DDX1: variants seen among roughly 807,000 people sequenced by gnomAD.
DDX1 encodes DEAD-box helicase 1, also known as ATP-dependent RNA helicase DDX1.
Under a neutral mutation model 108.7 loss-of-function variants are expected in DDX1, and 28 were observed. The observed-to-expected ratio is 0.26, with a 90% CI of 0.19 to 0.35. The LOEUF (loss-of-function observed/expected upper bound fraction) is 0.35. DDX1 is among the 10% of genes least tolerant of loss of function. DDX1 has a pLI of 1.00. For missense variants in DDX1, 710 were observed against 884.5 expected (o/e 0.80, Z 2.50); for synonymous variants, 295 against 288.9 (o/e 1.02, Z -0.21).
chr2:15,606,539 T>G (rs1186103419), intron 12 of DDX1, among the ~76,000 whole-genome samples: 1 of 152,218 alleles, frequency 6.6e-6, no homozygotes, highest in East Asian at 1.9e-4. Flanking sequence ...GGGCACCACA[T>G]TAAGTGCTTT....
At chr2:15,603,076 T>C (rs561857896) in intron 7 of DDX1, 116 bp from the exon 8 acceptor site, 2 of 692,668 alleles carry the variant, frequency 2.9e-6, no homozygotes, top group Non-Finnish European at 4.9e-6. Context: ...CAAATATACC[T>C]ATAATTCTTC....
intron 14 of DDX1, among the ~76,000 whole-genome samples, chr2:15,616,062 TTG>T (rs58811920): frequency 0.02 from 2,961 of 148,848 alleles, 65 homozygotes; most frequent in African/African-American, 0.052. Flanking sequence ...CCGGCTAATT[TTG>T]TGTGTGTGTG....
At position 15,606,624 on chromosome 2, in the gene DDX1, C is replaced by A. The variant is rs75196416; in HGVS notation, c.817+360C>A. Among the ~76,000 whole-genome samples, 175 of 152,290 alleles carry A rather than the reference C, an allele frequency of 1.1e-3. 1 individual carries two copies. In the East Asian group the frequency reaches 0.029, roughly 25 times the overall value. On this transcript the variant is annotated intron_variant, in intron 12 of 25. Transcript: ENST00000233084. ...TTACAGACAACCTAACGAATAGGGA[C>A]TTTAAGTGATTTGCCCAAGGTCACA...
At chr2:15,594,464 T>C (rs1170796151) in intron 1 of DDX1, among the ~76,000 whole-genome samples, 1 of 152,184 alleles carries the variant, frequency 6.6e-6, no homozygotes, top group Non-Finnish European at 1.5e-5. Flanking sequence ...AAAACCCGGT[T>C]AGGAGCAACT....
intron 17 of DDX1, 100 bp downstream of exon 17, chr2:15,620,496 A>G: frequency 3.4e-6 from 3 of 890,816 alleles, no homozygotes; most frequent in Admixed American, 2.9e-5. Context: ...CAGTTATTGT[A>G]TCAAAGAAAA....
intron 16 of DDX1, among the ~76,000 whole-genome samples, chr2:15,619,894 G>A (rs1218413314): frequency 6.6e-6 from 1 of 152,166 alleles, no homozygotes; most frequent in Non-Finnish European, 1.5e-5. Flanking sequence ...AAGCATTTAA[G>A]AAGGACAAGC....
rs1383488028 is a variant in DDX1, at chr2:15,611,649, A to AC, written c.957-1569dup. 6.1e-5 allele frequency among the ~76,000 whole-genome samples: 3 copies of AC among 48,836 alleles called. 1 individual carries two copies. The highest frequency in any genetic ancestry group is 1.0e-4 in the Non-Finnish European group (3 of 29,494). 32.0% of individuals were successfully genotyped at this position (48,836 alleles called of 152,430 possible). On this transcript the variant is annotated intron_variant, in intron 13 of 25. Transcript: ENST00000233084. ...CCAGTAGGGGTGGCCGGGCAGAGGC[A>AC]CCCCCCACCTCCCGGACGGGGCGGC...
intron 1 of DDX1, among the ~76,000 whole-genome samples, chr2:15,594,090 GAAAAGAAAA>G (rs1025631000): frequency 6.6e-6 from 1 of 150,636 alleles, no homozygotes; most frequent in Non-Finnish European, 1.5e-5. Flanking sequence ...AAAAACAAAA[GAAAAGAAAA>G]AAAAGAAAAA....
rs1330617001 is a variant in DDX1 at position 15,623,425 on chromosome 2, T to C, written c.1448-11T>C. ...ATTCTGTTGGTTTTTGTTGTTGTTA[T>C]GATATTCAAGAGATGTGGTCTGAAG... is the stretch of plus-strand genomic sequence containing the variant. On this transcript the variant is annotated splice_polypyrimidine_tract_variant and intron_variant, in intron 18 of 25. Coordinates refer to ENST00000233084, the MANE Select transcript of DDX1 (RefSeq NM_004939.3). 8 of 1,612,642 alleles carry C rather than the reference T, an allele frequency of 5.0e-6. No individual in the cohort carries two copies. Among genetic ancestry groups the C allele is most frequent in the African/African-American group, 1.3e-5 (1 of 74,998 alleles).
In DDX1 at chr2:15,605,931, C is replaced by T. The variant is rs1486635795; in HGVS notation, c.626-19C>T. On this transcript the variant is annotated intron_variant, in intron 10 of 25. Coordinates refer to ENST00000233084, the MANE Select transcript of DDX1 (RefSeq NM_004939.3). The stretch of plus-strand genomic sequence containing the variant: ...CTTTTCTGATTGTTTTAATCTCTCT[C>T]TCTCTCTTGTTTTTTAAGGAAAAGA... 10 of 1,509,138 alleles carry T rather than the reference C, an allele frequency of 6.6e-6. No homozygotes were observed. The highest frequency in any genetic ancestry group is 8.9e-6 in the Non-Finnish European group (10 of 1,122,002). The allele number at this position is 1,509,138 out of a possible 1,614,324, so 93.5% of individuals were successfully genotyped here.
intron 13 of DDX1, among the ~76,000 whole-genome samples, chr2:15,612,870 GGTGGCGCGTGCCTGCAATCGC>G: frequency 6.6e-6 from 1 of 151,782 alleles, no homozygotes; most frequent in Non-Finnish European, 1.5e-5. Context: ...AGTCAGGCGT[GGTGGCGCGTGCCTGCAATCGC>G]AGGCACTCGG....
chr2:15,623,278 TCTTTA>T (rs1359277637), intron 18 of DDX1, among the ~76,000 whole-genome samples, 153 bp from the exon 19 acceptor site: 2 of 152,202 alleles, frequency 1.3e-5, no homozygotes, highest in African/African-American at 4.8e-5. Flanking sequence ...TTTTACTCTA[TCTTTA>T]CTTCTTGTCC....
chr2:15,603,045 C>T (rs992305131), intron 7 of DDX1, 147 bp from the exon 8 acceptor site: 103 of 609,766 alleles, frequency 1.7e-4, no homozygotes, highest in East Asian at 5.1e-4. Context: ...AGTCGAGGAT[C>T]TGGGAAGGTG....
At chr2:15,592,637 C>T (rs1256316977) in intron 1 of DDX1, among the ~76,000 whole-genome samples, 1 of 152,148 alleles carries the variant, frequency 6.6e-6, no homozygotes, top group African/African-American at 2.4e-5. Context: ...TCGAACCCTA[C>T]AGTTGATATT....
Position 15,595,083 on chromosome 2 carries a change from T to G in DDX1, c.17-62T>G. The G allele has an allele frequency of 6.9e-6, 9 of 1,298,862 alleles. No individual in the cohort carries two copies. The South Asian group carries it at 1.0e-4, about 15-fold the overall frequency. 80.5% of individuals were successfully genotyped at this position (1,298,862 alleles called of 1,614,324 possible). A position where few individuals can be genotyped will look rare whatever the true frequency, so the allele number is the denominator to read the frequency against. On this transcript the variant is annotated intron_variant, in intron 1 of 25. Transcript: ENST00000233084. ...TACCCTGTTTTATGAATAGTAATTT[T>G]GAGAGCAATGCAATTTATCATTTCA...
intron 15 of DDX1, 135 bp from the exon 16 acceptor site, chr2:15,618,046 T>C (rs1013583845): frequency 4.5e-6 from 2 of 443,916 alleles, no homozygotes; most frequent in South Asian, 7.3e-5. Context: ...TTTGAAAATA[T>C]AGGACTATGT....
At chr2:15,630,326 A>T (rs2161072) in intron 25 of DDX1, among the ~76,000 whole-genome samples, 2,130 of 152,168 alleles carry the variant, frequency 0.014, 50 homozygotes, top group African/African-American at 0.044. Flanking sequence ...ACTTCAGCTT[A>T]GCTCTTTCTC....
rs544351619 is a variant in DDX1, at chr2:15,626,461, A to G, written c.1595-593A>G. The stretch of plus-strand genomic sequence containing the variant: ...CATAATTGTTATTTTGTTACATCCC[A>G]GTGGTTACTCTTTTTGTTACTGTGT... On this transcript the variant is annotated intron_variant, in intron 19 of 25. Coordinates refer to ENST00000233084, the MANE Select transcript of DDX1 (RefSeq NM_004939.3). Among the ~76,000 whole-genome samples, 12 of 152,216 alleles carry G rather than the reference A, an allele frequency of 7.9e-5. 1 individual carries two copies. In the South Asian group the frequency reaches 2.1e-3, roughly 26 times the overall value.
intron 4 of DDX1, among the ~76,000 whole-genome samples, chr2:15,597,024 A>G (rs1665511854): frequency 1.3e-5 from 2 of 152,250 alleles, no homozygotes; most frequent in African/African-American, 4.8e-5. Context: ...GAATTTTAAT[A>G]TGATGACTCT....
Sources: allele counts gnomAD v4.1 joint callset (sites outside exome capture counted in the v4.1 genomes callset), GRCh38; gene constraint gnomAD v4.1.1; transcripts MANE v1.5; gene names NCBI Gene and HGNC (gene_info 2026-07-23, HGNC 2026-07-21).